MARK1: variants seen among roughly 807,000 people sequenced by gnomAD.
The protein encoded by MARK1 is microtubule affinity regulating kinase 1.
MARK1 carries 40 observed loss-of-function variants against 96.3 expected under a neutral mutation model. That is an observed-to-expected ratio of 0.42 (90% CI 0.32 to 0.54). The LOEUF (loss-of-function observed/expected upper bound fraction) is 0.54. Among genes scored for constraint, MARK1 ranks in the 20% least tolerant of loss-of-function variants. The pLI is 0.16. For synonymous variants in MARK1, 317 were observed against 341.2 expected (o/e 0.93, Z 0.78); for missense variants, 719 against 984.6 (o/e 0.73, Z 3.61).
At chr1:220,655,200 C>G (rs911026736) in intron 16 of MARK1, among the ~76,000 whole-genome samples, 1 of 152,148 alleles carries the variant, frequency 6.6e-6, no homozygotes, top group Non-Finnish European at 1.5e-5. Context: ...CCCCCAACCT[C>G]TAAATATTAG....
At chr1:220,602,595 A>G (rs1393282553) in intron 5 of MARK1, among the ~76,000 whole-genome samples, 2 of 152,268 alleles carry the variant, frequency 1.3e-5, no homozygotes, top group East Asian at 3.9e-4. Context: ...TCAGATATCT[A>G]GAATTAACTG....
In MARK1 at chr1:220,664,217, G is replaced by T. The variant is rs1397869115; in HGVS notation, c.*2051G>T. 1 of 152,078 alleles carries T rather than the reference G, an allele frequency of 6.6e-6. No homozygotes were observed. Among genetic ancestry groups the T allele is most frequent in the Non-Finnish European group, 1.5e-5 (1 of 67,992 alleles). The allele number at this position is 152,078 out of a possible 1,614,324, so 9.4% of individuals were successfully genotyped here. Reference sequence around the variant, plus strand: ...CCAACTCTTCTGTGTTTGTAGAAAGGAATTTGACTTCAATATCTTTTATGA... The same window carrying T: ...CCAACTCTTCTGTGTTTGTAGAAAGTAATTTGACTTCAATATCTTTTATGA... On this transcript the variant is annotated 3_prime_UTR_variant, in exon 18 of 18. Coordinates refer to ENST00000366917, the MANE Select transcript of MARK1 (RefSeq NM_018650.5).
Position 220,653,145 on chromosome 1 carries a change from T to C in MARK1, c.1781T>C (p.Ile594Thr), listed in dbSNP as rs763329674. ...GCTGCTTCCCCATCTGCTCACAGTATTAGTACTGCGACTCCAGACCGGACC... is the reference window on the plus strand; with the variant it reads ...GCTGCTTCCCCATCTGCTCACAGTACTAGTACTGCGACTCCAGACCGGACC... ...VPAASPSAHS[I>T]STATPDRTRF... is the part of the protein sequence containing the mutation. Residue 594 changes from isoleucine (I) to threonine (T), a missense_variant, in exon 16 of 18, where the codon ATT becomes ACT. Ile to Thr is a moderately conservative substitution (Grantham distance 89). Transcript: ENST00000366917. 6.2e-7 allele frequency: 1 copy of C among 1,614,204 alleles called. No homozygotes were observed. Among genetic ancestry groups the C allele is most frequent in the East Asian group, 2.2e-5 (1 of 44,886 alleles).
At chr1:220,595,486 A>G (rs1665274129) in intron 3 of MARK1, among the ~76,000 whole-genome samples, 1 of 152,226 alleles carries the variant, frequency 6.6e-6, no homozygotes, top group South Asian at 2.1e-4. Flanking sequence ...ATCATCAGTT[A>G]CAGTGACTTG....
chr1:220,583,522 A>G (rs1664386623), intron 3 of MARK1, among the ~76,000 whole-genome samples: 1 of 152,146 alleles, frequency 6.6e-6, no homozygotes, highest in African/African-American at 2.4e-5. Flanking sequence ...CAATTCAATG[A>G]GTTTTCATAG....
intron 1 of MARK1, among the ~76,000 whole-genome samples, chr1:220,555,111 C>T (rs1662156307): frequency 6.6e-6 from 1 of 152,118 alleles, no homozygotes; most frequent in Non-Finnish European, 1.5e-5. Context: ...CCACTGATTC[C>T]ATTGTGAACT....
intron 6 of MARK1, among the ~76,000 whole-genome samples, chr1:220,607,150 G>A (rs145562123): frequency 1.0e-3 from 157 of 152,132 alleles, no homozygotes; most frequent in African/African-American, 3.5e-3. Context: ...CTTCCTATCC[G>A]TGAGCATGGA....
intron 5 of MARK1, 59 bp downstream of exon 5, chr1:220,599,922 C>A: frequency 9.4e-7 from 1 of 1,067,382 alleles, no homozygotes; most frequent in Non-Finnish European, 1.4e-6. Flanking sequence ...ATGTTAACAC[C>A]TAAGAGTTCA....
intron 9 of MARK1, chr1:220,627,274 G>A (rs1476077574): frequency 6.0e-6 from 3 of 499,182 alleles, no homozygotes; most frequent in Non-Finnish European, 1.2e-5. Flanking sequence ...TGACTCTGAT[G>A]AGGTGAGAGA....
intron 1 of MARK1, among the ~76,000 whole-genome samples, chr1:220,553,064 G>A (rs577087598): frequency 2.4e-4 from 37 of 152,306 alleles, no homozygotes; most frequent in African/African-American, 8.4e-4. Context: ...TATACAGCAT[G>A]AGTCATCTTT....
At chr1:220,573,065 T>A (rs990688398) in intron 1 of MARK1, among the ~76,000 whole-genome samples, 1 of 152,176 alleles carries the variant, frequency 6.6e-6, no homozygotes, top group Non-Finnish European at 1.5e-5. Context: ...CTTTTAAGGT[T>A]TTTGTTTTCC....
At chr1:220,588,414 C>A (rs1456075754) in intron 3 of MARK1, among the ~76,000 whole-genome samples, 1 of 152,144 alleles carries the variant, frequency 6.6e-6, no homozygotes, top group Non-Finnish European at 1.5e-5. Context: ...ATATTTCCTT[C>A]TATTACTTTG....
chr1:220,528,956 C>T lies in MARK1; in HGVS notation c.51+83C>T, dbSNP rs1011977939. ...ACTTCACCCGCGCTTGGGCCGTCCC[C>T]CGTGCCTCGGCGCGGCCACCCGCGG... On this transcript the variant is annotated intron_variant, in intron 1 of 17. Transcript: ENST00000366917. The T allele has an allele frequency of 9.2e-5, 130 of 1,405,952 alleles. No individual in the cohort carries two copies. In the South Asian group the frequency reaches 1.6e-3, roughly 17 times the overall value. 87.1% of individuals were successfully genotyped at this position (1,405,952 alleles called of 1,614,324 possible).
chr1:220,632,493 A>AT (rs1184224850), intron 11 of MARK1, among the ~76,000 whole-genome samples, 180 bp downstream of exon 11: 5 of 152,126 alleles, frequency 3.3e-5, no homozygotes, highest in African/African-American at 1.2e-4. Context: ...ACCAAGAGAG[A>AT]TTTTATGAAA....
chr1:220,599,388 A>G (rs74139784), intron 4 of MARK1, among the ~76,000 whole-genome samples: 1,725 of 152,230 alleles, frequency 0.011, 26 homozygotes, highest in African/African-American at 0.04. Flanking sequence ...CTTTCATAAT[A>G]TCACAGAAAT....
chr1:220,543,060 A>G (rs1661253828), intron 1 of MARK1, among the ~76,000 whole-genome samples: 1 of 152,182 alleles, frequency 6.6e-6, no homozygotes, highest in African/African-American at 2.4e-5. Context: ...ATTTGTTACA[A>G]TTGTTAGAAT....
chr1:220,557,487 A>AG (rs1486541440), intron 1 of MARK1, among the ~76,000 whole-genome samples: 2 of 152,114 alleles, frequency 1.3e-5, no homozygotes, highest in Non-Finnish European at 2.9e-5. Flanking sequence ...TGAGCCCAGG[A>AG]GGTGGAGGTT....
chr1:220,581,144 T>C (rs916374366), intron 3 of MARK1, 26 bp downstream of exon 3: 5 of 878,090 alleles, frequency 5.7e-6, no homozygotes, highest in African/African-American at 1.7e-5. Flanking sequence ...AATAAGTAAT[T>C]AAAATGTGAG....
At chr1:220,529,334 A>G (rs1435113610) in intron 1 of MARK1, among the ~76,000 whole-genome samples, 1 of 152,102 alleles carries the variant, frequency 6.6e-6, no homozygotes, top group East Asian at 1.9e-4. Flanking sequence ...GCATTGCCCC[A>G]TGACTTTGCT....
Sources: allele counts gnomAD v4.1 joint callset (sites outside exome capture counted in the v4.1 genomes callset), GRCh38; gene constraint gnomAD v4.1.1; transcripts MANE v1.5; gene names NCBI Gene and HGNC (gene_info 2026-07-23, HGNC 2026-07-21).